Variants in DHX34 observed in about 807,000 individuals in gnomAD.
The protein encoded by DHX34 is probable ATP-dependent RNA helicase DHX34.
DHX34 carries 96 observed loss-of-function variants against 111.1 expected under a neutral mutation model. That is an observed-to-expected ratio of 0.86 (90% confidence interval 0.73 to 1.02). The LOEUF (loss-of-function observed/expected upper bound fraction) is 1.02. Ranked by LOEUF, DHX34 falls within the 50% of genes least tolerant of loss-of-function variation. The pLI is 0.00. For synonymous variants in DHX34, 688 were observed against 670.4 expected (o/e 1.03, Z -0.41); for missense variants, 1,560 against 1,579.9 (o/e 0.99, Z 0.21).
chr19:47,379,640 G>A (rs1327084441), intron 13 of DHX34, 70 bp from the exon 14 acceptor site: 2 of 1,520,090 alleles, frequency 1.3e-6, no homozygotes, highest in Non-Finnish European at 1.8e-6. Flanking sequence ...AGCCCAGCCG[G>A]GCAGGGCCTG....
intron 9 of DHX34, among the ~76,000 whole-genome samples, chr19:47,374,376 G>A (rs1386059679): frequency 2.7e-5 from 4 of 149,998 alleles, no homozygotes; most frequent in Non-Finnish European, 5.9e-5. Context: ...GGTGGAGGTT[G>A]TGGTGAGCCG....
At chr19:47,379,112 G>C (rs1051637374) in intron 13 of DHX34, among the ~76,000 whole-genome samples, 1 of 152,046 alleles carries the variant, frequency 6.6e-6, no homozygotes, top group African/African-American at 2.4e-5. Context: ...CTGGGCAACA[G>C]AGTGAGACTC....
chr19:47,378,269 G>C (rs1217140651), intron 13 of DHX34, among the ~76,000 whole-genome samples: 1 of 151,964 alleles, frequency 6.6e-6, no homozygotes, highest in East Asian at 1.9e-4. Flanking sequence ...CACCTCCCTC[G>C]AGCCCGTCTG....
Position 47,353,716 on chromosome 19 carries a change from T to A in DHX34, c.686T>A (p.Leu229His). 6.3e-7 allele frequency: 1 copy of A among 1,599,474 alleles called. No homozygotes were observed. Among genetic ancestry groups the A allele is most frequent in the Non-Finnish European group, 8.5e-7 (1 of 1,170,982 alleles). Residue 229 changes from leucine (L) to histidine (H), a missense_variant, in exon 2 of 17, where the codon CTC (leucine) becomes CAC (histidine). Leu to His is a moderately conservative substitution (Grantham distance 99). Transcript: ENST00000328771. The surrounding 1 kb of genome is among the most constrained non-coding windows in gnomAD (Gnocchi z 4.6). ...GCCAAGCGTGTGGGCTTTGAGAGCC[T>A]CAGTCAGTATGGCTCACAGGTGAGT... ...SLAKRVGFES[L>H]SQYGSQVGYQ...
rs749596351 is a variant in DHX34, at chr19:47,379,924, C to T, written c.2921C>T (p.Pro974Leu). ...CTGGAGGAGGAGGAGGAGGATACGC[C>T]AGTCAGCCCCAAGGAGGTGGCCACC... ...QQLEEEEEDT[P>L]VSPKEVATLS... Residue 974 changes from proline (P) to leucine (L), a missense_variant, in exon 14 of 17, where the codon CCA becomes CTA. By Grantham distance (98) the Pro-to-Leu change is moderately conservative. Transcript: ENST00000328771. 4.3e-6 allele frequency: 7 copies of T among 1,611,582 alleles called. No individual in the cohort carries two copies. Among genetic ancestry groups the T allele is most frequent in the Middle Eastern group, 3.3e-4 (2 of 6,066 alleles).
chr19:47,366,662 T>TC (rs1405746499), intron 6 of DHX34, among the ~76,000 whole-genome samples: 1 of 150,596 alleles, frequency 6.6e-6, no homozygotes, highest in Non-Finnish European at 1.5e-5. Flanking sequence ...CTTACTGCGA[T>TC]CTCCACCTCC....
intron 8 of DHX34, 148 bp downstream of exon 8, chr19:47,373,071 C>A: frequency 9.1e-7 from 1 of 1,100,464 alleles, no homozygotes; most frequent in Non-Finnish European, 1.2e-6. Flanking sequence ...TGGGGAGGGC[C>A]ATGTCTCCAT....
chr19:47,362,403 C>T, intron 5 of DHX34, 73 bp from the exon 6 acceptor site: 1 of 1,417,384 alleles, frequency 7.1e-7, no homozygotes, highest in Non-Finnish European at 9.3e-7. Context: ...TGGCGAGTGA[C>T]AAGAGCCAGG....
In DHX34 at chr19:47,382,020, T is replaced by G; in HGVS notation, c.3339T>G (p.Ser1113=). ...CCCTCGAAACCCTCCAGAAGACATC[T>G]GTCCTGCAGAGGCCCTACCACTGCG... ...EAALETLQKT[S]VLQRPYHCEA... The change falls in exon 17 of 17, where the codon TCT becomes TCG. Residue 1113 remains serine (S), a synonymous_variant. Coordinates refer to ENST00000328771, the MANE Select transcript of DHX34 (RefSeq NM_014681.6). The G allele has an allele frequency of 2.5e-6, 4 of 1,614,124 alleles. 1 individual carries two copies. The South Asian group carries it at 4.4e-5, about 18-fold the overall frequency.
At chr19:47,360,203 C>A in intron 5 of DHX34, 133 bp downstream of exon 5, 1 of 757,180 alleles carries the variant, frequency 1.3e-6, no homozygotes, top group Non-Finnish European at 2.2e-6. Flanking sequence ...ATCCAAAATG[C>A]TTGCTTGCAA....
chr19:47,375,421 A>G, intron 9 of DHX34, 45 bp from the exon 10 acceptor site: 4 of 1,527,602 alleles, frequency 2.6e-6, no homozygotes, highest in Non-Finnish European at 3.5e-6. Context: ...TCCAGAGCCC[A>G]CTGAGTCTGC....
intron 8 of DHX34, among the ~76,000 whole-genome samples, 187 bp downstream of exon 8, chr19:47,373,110 G>GCTT (rs1970022915): frequency 6.6e-6 from 1 of 152,254 alleles, no homozygotes; most frequent in Non-Finnish European, 1.5e-5. Context: ...AGGACAGCAT[G>GCTT]TGCCCAGGCC....
At chr19:47,374,457 AT>A (rs1376468772) in intron 9 of DHX34, among the ~76,000 whole-genome samples, 1 of 141,872 alleles carries the variant, frequency 7.0e-6, no homozygotes. Context: ...AAAAAAAAAG[AT>A]TTGGGTTTCT....
In DHX34 at chr19:47,367,134, C is replaced by G; in HGVS notation, c.1747C>G (p.Leu583Val). ...ACCCATTGGGTCCCTGCTAGCCCAG[C>G]TGCCTGTGGACGTTGTGATTGGTGA... Reference protein sequence around the residue: ...LTPIGSLLAQLPVDVVIGKML... With the variant: ...LTPIGSLLAQVPVDVVIGKML... Residue 583 changes from leucine (L) to valine (V), a missense_variant, in exon 7 of 17, where the codon CTG becomes GTG. Transcript: ENST00000328771. 6.4e-7 allele frequency: 1 copy of G among 1,562,598 alleles called. No individual in the cohort carries two copies. Among genetic ancestry groups the G allele is most frequent in the Non-Finnish European group, 8.7e-7 (1 of 1,153,692 alleles).
intron 7 of DHX34, among the ~76,000 whole-genome samples, chr19:47,368,406 A>G (rs1295815718): frequency 1.4e-5 from 2 of 144,886 alleles, no homozygotes; most frequent in Non-Finnish European, 3.0e-5. Context: ...TCTTGAGTTC[A>G]AGCGATTCTC....
chr19:47,367,915 A>G (rs1337656716), intron 7 of DHX34, among the ~76,000 whole-genome samples: 1 of 147,378 alleles, frequency 6.8e-6, no homozygotes, highest in East Asian at 2.0e-4. Flanking sequence ...AAAAAAAAAA[A>G]GCAAAAACAA....
intron 11 of DHX34, 124 bp downstream of exon 11, chr19:47,376,221 A>T (rs1047735381): frequency 1.4e-6 from 2 of 1,440,474 alleles, no homozygotes; most frequent in African/African-American, 1.4e-5. Context: ...GGGGCTCACA[A>T]CCCAGTGGGA....
chr19:47,365,601 G>T (rs1207535426), intron 6 of DHX34, among the ~76,000 whole-genome samples: 1 of 152,148 alleles, frequency 6.6e-6, no homozygotes, highest in Non-Finnish European at 1.5e-5. Flanking sequence ...CGGCATCAAG[G>T]CTTGGTCAGC....
At position 47,378,560 on chromosome 19, in the gene DHX34, C is replaced by T. The variant is rs146113513; in HGVS notation, c.2707-1150C>T. Among the ~76,000 whole-genome samples, 794 of 152,280 alleles carry T rather than the reference C, an allele frequency of 5.2e-3. 2 individuals are homozygous for T. The highest frequency in any genetic ancestry group is 7.9e-3 in the Non-Finnish European group (540 of 68,024). On this transcript the variant is annotated intron_variant, in intron 13 of 16. Coordinates refer to ENST00000328771, the MANE Select transcript of DHX34 (RefSeq NM_014681.6). ...GGACTGCTTGTTGAGAGAATCTGGC[C>T]AGCTCACACCTGGAATCCCAGCACC...
Sources: gnomAD v4.1 joint callset for allele counts (sites outside exome capture counted in the v4.1 genomes callset) on GRCh38, gnomAD v4.1.1 for gene constraint, Gnocchi (gnomAD v3.1) non-coding constraint, MANE v1.5 for transcripts, NCBI Gene and HGNC (gene_info 2026-07-23, HGNC 2026-07-21) for gene names.